CELSR1: variants seen among roughly 807,000 people sequenced by gnomAD.
CELSR1 encodes the protein adhesion G protein-coupled receptor C1.
CELSR1 carries 110 observed loss-of-function variants against 249.1 expected under a neutral mutation model. The observed-to-expected ratio is 0.44, with a 90% confidence interval of 0.38 to 0.52. The LOEUF (loss-of-function observed/expected upper bound fraction) is 0.52, where lower values mean the gene tolerates loss of function less well. Ranked by LOEUF, CELSR1 falls within the 20% of genes least tolerant of loss-of-function variation. CELSR1 has a pLI of 0.00. For synonymous variants in CELSR1, 2,113 were observed against 1,900.0 expected (o/e 1.11, Z -2.92); for missense variants, 4,109 against 4,296.4 (o/e 0.96, Z 1.22).
Position 46,433,550 on chromosome 22 carries a change from C to T in CELSR1, c.4523-69G>A, listed in dbSNP as rs142285892. 3,092 of 1,215,426 alleles carry T rather than the reference C, an allele frequency of 2.5e-3. 44 individuals are homozygous for T. The African/African-American group carries it at 0.037, about 15-fold the overall frequency. The allele number at this position is 1,215,426 out of a possible 1,614,324, so 75.3% of individuals were successfully genotyped here. ...GGGGCCTACTGGGGACCGAGGATTG[C>T]GCTGTGAGGCATCAGGGGGAGACAG... is the stretch of plus-strand genomic sequence containing the variant. On this transcript the variant is annotated intron_variant, in intron 4 of 34. Transcript: ENST00000674500. This position sits in a 1 kb window ranked among gnomAD's most constrained non-coding sequence, Gnocchi z 5.7.
At chr22:46,389,063 G>C (rs112679630) in intron 18 of CELSR1, among the ~76,000 whole-genome samples, 2,906 of 152,338 alleles carry the variant, frequency 0.019, 91 homozygotes, top group African/African-American at 0.066. Context: ...AGGATCACCA[G>C]CAAGGCTGTG....
Position 46,485,680 on chromosome 22 carries a change from T to G in CELSR1, c.3545-21335A>C, listed in dbSNP as rs533683640. On this transcript the variant is annotated intron_variant, in intron 1 of 34. Coordinates refer to ENST00000674500, the MANE Select transcript of CELSR1 (RefSeq NM_001378328.1). ...CCATGCACCTCTCCATCCACACCTG[T>G]GCTGTCTGCGCCCATGGGGTTTGTG... is the stretch of plus-strand genomic sequence containing the variant. 4.6e-5 allele frequency among the ~76,000 whole-genome samples: 7 copies of G among 152,342 alleles called. No individual in the cohort carries two copies. The East Asian group carries it at 1.2e-3, about 25-fold the overall frequency.
rs370936550 is a variant in CELSR1 at position 46,369,185 on chromosome 22, C to T, written c.7946G>A (p.Gly2649Glu). 1 of 1,614,016 alleles carries T rather than the reference C, an allele frequency of 6.2e-7. No homozygotes were observed. The highest frequency in any genetic ancestry group is 8.5e-7 in the Non-Finnish European group (1 of 1,179,902). ...QRKHHYYGKK[G>E]IVSLLRTAFL... The stretch of plus-strand genomic sequence containing the variant: ...CAGGTTCAGCCCCACTTACACGATC[C>T]CTTTTTTCCCATAATAATGGTGCTT... The change falls in exon 27 of 35, where the codon GGG (glycine) becomes GAG (glutamate). Residue 2649 changes from glycine (G) to glutamate (E), a missense_variant. Gly to Glu is a moderately conservative substitution (Grantham distance 98). Transcript: ENST00000674500.
In CELSR1 at chr22:46,460,363, G is replaced by A. The variant is rs34459442; in HGVS notation, c.4183+3344C>T. ...AACCTATGATCCATCTGAGGAGGTC[G>A]GGAAACTTCCAGAACCTTCTCAGAG... On this transcript the variant is annotated intron_variant, in intron 2 of 34. Transcript: ENST00000674500. Among the ~76,000 whole-genome samples the A allele has an allele frequency of 1.2e-3, 189 of 152,288 alleles. 1 individual carries two copies. Among genetic ancestry groups the A allele is most frequent in the South Asian group, 4.4e-3 (21 of 4,820 alleles).
At chr22:46,469,509 TG>T (rs1385427668) in intron 1 of CELSR1, among the ~76,000 whole-genome samples, 8 of 152,056 alleles carry the variant, frequency 5.3e-5, no homozygotes, top group Non-Finnish European at 1.0e-4. Flanking sequence ...TTTGTTTTGT[TG>T]TTGTTTGTTT....
chr22:46,450,204 T>C (rs1224528852), intron 2 of CELSR1, among the ~76,000 whole-genome samples: 2 of 152,224 alleles, frequency 1.3e-5, no homozygotes, highest in African/African-American at 4.8e-5. Flanking sequence ...AGAACCCCTG[T>C]GGCATGCAGC....
chr22:46,493,481 G>C (rs1432924966), intron 1 of CELSR1, among the ~76,000 whole-genome samples: 1 of 151,368 alleles, frequency 6.6e-6, no homozygotes, highest in East Asian at 1.9e-4. Flanking sequence ...GGGAGGCAGA[G>C]GTTGCAGTGA....
At chr22:46,372,074 T>C in intron 25 of CELSR1, among the ~76,000 whole-genome samples, 1 of 135,084 alleles carries the variant, frequency 7.4e-6, no homozygotes. Context: ...CATCCACTAA[T>C]CCCATCCCTC....
Position 46,536,333 on chromosome 22 carries a change from C to G in CELSR1, c.838G>C (p.Val280Leu). The G allele has an allele frequency of 1.9e-6, 3 of 1,612,736 alleles. No individual in the cohort carries two copies. The highest frequency in any genetic ancestry group is 2.2e-5 in the South Asian group (2 of 91,092). Residue 280 changes from valine to leucine, a missense_variant, in exon 1 of 35, where the codon GTG becomes CTG. Val to Leu is a conservative substitution (Grantham distance 32). Transcript: ENST00000674500. ...AACAGCCCCTCCATGTAATAGCTCA[C>G]GCGCTCCTCCTCGCCCTCGATGGTG... ...HYTIEGEEER[V>L]SYYMEGLFDE...
At chr22:46,503,241 G>A (rs367875041) in intron 1 of CELSR1, among the ~76,000 whole-genome samples, 5 of 152,220 alleles carry the variant, frequency 3.3e-5, no homozygotes, top group African/African-American at 1.2e-4. Flanking sequence ...AACCTGCCTC[G>A]CTCCAGCCAG....
chr22:46,534,761 C>A lies in CELSR1; in HGVS notation c.2410G>T (p.Val804Leu), dbSNP rs775640853. Residue 804 changes from valine to leucine, a missense_variant, in exon 1 of 35, where the codon GTG (valine) becomes TTG (leucine). By Grantham distance (32) the Val-to-Leu change is conservative. Coordinates refer to ENST00000674500, the MANE Select transcript of CELSR1 (RefSeq NM_001378328.1). The surrounding 1 kb of genome is among the most constrained non-coding windows in gnomAD (Gnocchi z 9.7). ...YTVSVSEDRPVGTSIATLSAN... is the reference protein window; with the variant it reads ...YTVSVSEDRPLGTSIATLSAN... ...CTGAGGGTAGCAATGGAGGTGCCCA[C>A]AGGCCTGTCCTCACTGACACTCACT... 1.2e-5 allele frequency: 19 copies of A among 1,612,998 alleles called. No homozygotes were observed. Among genetic ancestry groups the A allele is most frequent in the Non-Finnish European group, 1.6e-5 (19 of 1,180,034 alleles).
At chr22:46,432,085 G>A (rs6008823) in intron 5 of CELSR1, among the ~76,000 whole-genome samples, 11,361 of 152,274 alleles carry the variant, frequency 0.075, 510 homozygotes, top group African/African-American at 0.13. Flanking sequence ...CCTGCCCTGG[G>A]TTGGCACTGA....
chr22:46,407,221 A>T lies in CELSR1; in HGVS notation c.5226+1775T>A, dbSNP rs2147314657. 6.6e-6 allele frequency among the ~76,000 whole-genome samples: 1 copy of T among 152,330 alleles called. No individual in the cohort carries two copies. Among genetic ancestry groups the T allele is most frequent in the African/African-American group, 2.4e-5 (1 of 41,574 alleles). Reference sequence around the variant, plus strand: ...CCCAGGTCTCATCACATGGGTGCACACACATACATATACAGCCACATGCAC... The same window carrying T: ...CCCAGGTCTCATCACATGGGTGCACTCACATACATATACAGCCACATGCAC... On this transcript the variant is annotated intron_variant, in intron 9 of 34. Transcript: ENST00000674500. The surrounding 1 kb of genome is among the most constrained non-coding windows in gnomAD (Gnocchi z 4.8).
chr22:46,460,233 C>T (rs2080009078), intron 2 of CELSR1, among the ~76,000 whole-genome samples: 1 of 150,482 alleles, frequency 6.6e-6, no homozygotes, highest in African/African-American at 2.5e-5. Context: ...GCTACAGTCC[C>T]TGCCATCCTG....
chr22:46,390,920 G>A lies in CELSR1; in HGVS notation c.6250+266C>T, dbSNP rs539625397. ...ATGAACAGTGAAGCCACTTGTCCCG[G>A]TGCCCCAGCCTGAGCGGCAGAGCAG... On this transcript the variant is annotated intron_variant, in intron 16 of 34. Transcript: ENST00000674500. The surrounding 1 kb of genome is among the most constrained non-coding windows in gnomAD (Gnocchi z 6.3). Among the ~76,000 whole-genome samples the A allele has an allele frequency of 1.5e-4, 23 of 152,298 alleles. 1 individual carries two copies. The South Asian group carries it at 4.6e-3, about 30-fold the overall frequency.
intron 2 of CELSR1, among the ~76,000 whole-genome samples, chr22:46,462,347 G>A (rs146683479): frequency 6.6e-6 from 1 of 152,162 alleles, no homozygotes; most frequent in Non-Finnish European, 1.5e-5. Context: ...GAGCACCCTT[G>A]CATCAGGCTG....
intron 1 of CELSR1, among the ~76,000 whole-genome samples, chr22:46,491,801 T>TA (rs2080370114): frequency 6.6e-6 from 1 of 151,620 alleles, no homozygotes. Context: ...CACGCCCGGC[T>TA]AATGTTTGTA....
At chr22:46,443,101 A>T (rs1407857335) in intron 2 of CELSR1, among the ~76,000 whole-genome samples, 3 of 150,486 alleles carry the variant, frequency 2.0e-5, no homozygotes, top group Non-Finnish European at 2.9e-5. Context: ...CCGTCTCTTA[A>T]GAAAAAAAAA....
At position 46,407,842 on chromosome 22, in the gene CELSR1, C is replaced by A. The variant is rs536058842; in HGVS notation, c.5226+1154G>T. On this transcript the variant is annotated intron_variant, in intron 9 of 34. Coordinates refer to ENST00000674500, the MANE Select transcript of CELSR1 (RefSeq NM_001378328.1). The surrounding 1 kb of genome is among the most constrained non-coding windows in gnomAD (Gnocchi z 4.8). ...TGCCCAGTGAGTTTTCAGAGCTAGA[C>A]CCTGATCAGAAAGGGTCACAGCAGC... Among the ~76,000 whole-genome samples the A allele has an allele frequency of 6.6e-6, 1 of 152,170 alleles. No homozygotes were observed. The highest frequency in any genetic ancestry group is 2.4e-5 in the African/African-American group (1 of 41,422).
Sources: allele counts gnomAD v4.1 joint callset (sites outside exome capture counted in the v4.1 genomes callset), GRCh38; gene constraint gnomAD v4.1.1; non-coding constraint Gnocchi (gnomAD v3.1); transcripts MANE v1.5; gene names NCBI Gene and HGNC (gene_info 2026-07-23, HGNC 2026-07-21).